The following IQGAP2 variants were observed in gnomAD, a reference collection of about 807,000 sequenced individuals.
IQGAP2 encodes the protein ras GTPase-activating-like protein IQGAP2.
Under a neutral mutation model 201.3 loss-of-function variants are expected in IQGAP2, and 173 were observed. That is an observed-to-expected ratio of 0.86 (90% CI 0.76 to 0.98). IQGAP2 has a LOEUF of 0.98. Ranked by LOEUF, IQGAP2 falls within the 50% of genes least tolerant of loss-of-function variation. The pLI, the probability that IQGAP2 is intolerant of heterozygous loss-of-function variation, is 0.00. For synonymous variants in IQGAP2, 675 were observed against 673.9 expected (o/e 1.00, Z -0.03); for missense variants, 1,687 against 1,864.8 (o/e 0.90, Z 1.76).
At chr5:76,636,369 G>A (rs1248137962) in intron 15 of IQGAP2, among the ~76,000 whole-genome samples, 2 of 152,142 alleles carry the variant, frequency 1.3e-5, no homozygotes, top group African/African-American at 4.8e-5. Context: ...ACCAATCTAA[G>A]TCATGACTAC....
intron 1 of IQGAP2, among the ~76,000 whole-genome samples, chr5:76,450,293 A>C (rs1753660452): frequency 6.6e-6 from 1 of 152,166 alleles, no homozygotes; most frequent in Admixed American, 6.5e-5. Flanking sequence ...CCCTTCCCAC[A>C]TCAGCCATTC....
At chr5:76,633,681 T>C (rs1230164279) in intron 15 of IQGAP2, among the ~76,000 whole-genome samples, 1 of 152,176 alleles carries the variant, frequency 6.6e-6, no homozygotes, top group Non-Finnish European at 1.5e-5. Flanking sequence ...CCAATACTTA[T>C]TAGCAGTAAA....
intron 2 of IQGAP2, chr5:76,510,704 C>A: frequency 1.9e-6 from 1 of 533,976 alleles, no homozygotes. Flanking sequence ...GACTGCCAAG[C>A]TTGTCCATTT....
chr5:76,626,469 C>T (rs954642072), intron 13 of IQGAP2, among the ~76,000 whole-genome samples: 17 of 151,828 alleles, frequency 1.1e-4, no homozygotes, highest in African/African-American at 4.1e-4. Flanking sequence ...TGAGGTTTCA[C>T]CATGTTGGCC....
chr5:76,627,577 A>C, intron 14 of IQGAP2, 77 bp downstream of exon 14: 1 of 776,654 alleles, frequency 1.3e-6, no homozygotes, highest in Non-Finnish European at 2.2e-6. Flanking sequence ...GTGATTTTTA[A>C]TTTCTGAAAG....
intron 2 of IQGAP2, among the ~76,000 whole-genome samples, chr5:76,498,109 G>A (rs1023410874): frequency 6.6e-6 from 1 of 152,184 alleles, no homozygotes; most frequent in African/African-American, 2.4e-5. Flanking sequence ...ACAATAGTAA[G>A]AGCAAAAAGC....
intron 17 of IQGAP2, among the ~76,000 whole-genome samples, chr5:76,650,845 C>A (rs1752463936): frequency 6.6e-6 from 1 of 152,128 alleles, no homozygotes. Flanking sequence ...CTAGCTGTTC[C>A]CCCTATTAGT....
intron 2 of IQGAP2, among the ~76,000 whole-genome samples, chr5:76,474,594 G>T (rs5009957): frequency 6.6e-6 from 1 of 151,864 alleles, no homozygotes; most frequent in African/African-American, 2.4e-5. Context: ...TTTTCCCATC[G>T]TGTGATTTGT....
intron 2 of IQGAP2, among the ~76,000 whole-genome samples, chr5:76,494,669 TTTTTGTTTTG>T (rs376453798): frequency 1.4e-4 from 22 of 152,024 alleles, no homozygotes; most frequent in East Asian, 5.8e-4. Context: ...TTGTTGTTGT[TTTTTGTTTTG>T]TTTTGTTTTG....
chr5:76,415,723 C>T (rs186508776), intron 1 of IQGAP2, among the ~76,000 whole-genome samples: 11 of 152,328 alleles, frequency 7.2e-5, no homozygotes, highest in Admixed American at 1.3e-4. Flanking sequence ...AGGCAGATCA[C>T]TGGAGGCCAG....
intron 1 of IQGAP2, among the ~76,000 whole-genome samples, chr5:76,438,588 G>A (rs1003951386): frequency 3.9e-5 from 6 of 151,910 alleles, no homozygotes; most frequent in African/African-American, 7.3e-5. Context: ...GATTATAGGC[G>A]TGCACCACCA....
chr5:76,618,338 G>C (rs760592629), intron 13 of IQGAP2: 12 of 1,614,160 alleles, frequency 7.4e-6, no homozygotes, highest in Non-Finnish European at 9.3e-6. Flanking sequence ...AGATGGATCT[G>C]GTCCTGAAGA....
intron 16 of IQGAP2, among the ~76,000 whole-genome samples, chr5:76,637,722 C>T (rs892001060): frequency 5.3e-5 from 8 of 152,232 alleles, no homozygotes; most frequent in African/African-American, 1.7e-4. Flanking sequence ...AGATGGTCAT[C>T]TTAGCATGTT....
At chr5:76,674,452 G>C in intron 26 of IQGAP2, 25 bp from the exon 27 acceptor site, 1 of 1,403,518 alleles carries the variant, frequency 7.1e-7, no homozygotes, top group Non-Finnish European at 1.0e-6. Context: ...CTTAAAAATG[G>C]TCATGCACTT....
At chr5:76,593,761 T>G (rs1326525802) in intron 9 of IQGAP2, among the ~76,000 whole-genome samples, 1 of 152,190 alleles carries the variant, frequency 6.6e-6, no homozygotes, top group African/African-American at 2.4e-5. Context: ...CCCTGCGAAA[T>G]TAAAATTTGG....
intron 2 of IQGAP2, among the ~76,000 whole-genome samples, chr5:76,559,852 T>C: frequency 6.6e-6 from 1 of 152,034 alleles, no homozygotes. Context: ...CCCCACTGAG[T>C]GTGGTGGGGG....
intron 2 of IQGAP2, among the ~76,000 whole-genome samples, chr5:76,472,891 T>C (rs892881760): frequency 1.3e-5 from 2 of 152,202 alleles, no homozygotes; most frequent in Non-Finnish European, 2.9e-5. Flanking sequence ...GCAAATGTAC[T>C]TTACTCACAA....
Position 76,674,694 on chromosome 5 carries a change from C to G in IQGAP2, c.3512C>G (p.Thr1171Arg). 2 of 1,612,218 alleles carry G rather than the reference C, an allele frequency of 1.2e-6. No homozygotes were observed. Among genetic ancestry groups the G allele is most frequent in the Non-Finnish European group, 8.5e-7 (1 of 1,178,322 alleles). ...LSSMNNYLSE[T>R]YQEFRKYFKE... ...TCTATGAACAATTATTTATCAGAGA[C>G]GTATCAGGAATTCAGGTGAGAGGGG... Residue 1171 changes from threonine to arginine, a missense_variant, in exon 27 of 36, where the codon ACG (threonine) becomes AGG (arginine). By Grantham distance (71) the Thr-to-Arg change is moderately conservative (BLOSUM62 -1). Coordinates refer to ENST00000274364, the MANE Select transcript of IQGAP2 (RefSeq NM_006633.5).
chr5:76,632,367 T>C (rs1481326180), intron 15 of IQGAP2, among the ~76,000 whole-genome samples: 2 of 152,166 alleles, frequency 1.3e-5, no homozygotes, highest in East Asian at 3.8e-4. Flanking sequence ...CCTAATCCTT[T>C]GTGATTGCAC....
Sources: gnomAD v4.1 joint callset for allele counts (sites outside exome capture counted in the v4.1 genomes callset) on GRCh38, gnomAD v4.1.1 for gene constraint, MANE v1.5 for transcripts, NCBI Gene and HGNC (gene_info 2026-07-23, HGNC 2026-07-21) for gene names.